Variants in IGFN1 observed in about 807,000 individuals in gnomAD.
The protein encoded by IGFN1 is immunoglobulin like and fibronectin type III domain containing 1, also known as immunoglobulin-like and fibronectin type III domain-containing protein 1.
In IGFN1, 253 loss-of-function variants were observed where a neutral mutation model predicts 289.5. The ratio of observed to expected loss-of-function variants is 0.87; its 90% CI spans 0.79 to 0.97. IGFN1 has a LOEUF of 0.97. Ranked by LOEUF, IGFN1 falls within the 50% of genes least tolerant of loss-of-function variation. The probability of loss-of-function intolerance (pLI) is 0.00; values close to 1 mark genes in which losing one functional copy is unlikely to be tolerated. For synonymous variants in IGFN1, 1,706 were observed against 1,788.5 expected, an observed-to-expected ratio of 0.95 and a Z score of 1.16; for missense variants, 4,470 against 4,686.1, an observed-to-expected ratio of 0.95 and a Z score of 1.35.
chr1:201,214,729 T>G (rs1277009058), intron 13 of IGFN1, among the ~76,000 whole-genome samples: 1 of 152,190 alleles, frequency 6.6e-6, no homozygotes, highest in Non-Finnish European at 1.5e-5. Flanking sequence ...TAAGTCTGGC[T>G]TCAGATCCCA....
chr1:201,199,082 G>T (rs764388960), intron 5 of IGFN1, among the ~76,000 whole-genome samples: 3 of 152,164 alleles, frequency 2.0e-5, no homozygotes, highest in Non-Finnish European at 4.4e-5. Flanking sequence ...ACATGACTGG[G>T]CCTCCCCTGC....
intron 18 of IGFN1, 96 bp from the exon 19 acceptor site, chr1:201,221,348 A>G: frequency 3.0e-6 from 3 of 991,332 alleles, no homozygotes; most frequent in Non-Finnish European, 4.3e-6. Flanking sequence ...AAGTGAAAAC[A>G]ATTCCCAGTC....
At chr1:201,222,410 T>G in intron 19 of IGFN1, 1 of 217,942 alleles carries the variant, frequency 4.6e-6, no homozygotes, top group East Asian at 1.0e-4. Flanking sequence ...CTGTCTTAGA[T>G]TGGTGTTTAT....
intron 12 of IGFN1, 39 bp from the exon 13 acceptor site, chr1:201,214,138 G>C: frequency 6.4e-7 from 1 of 1,562,042 alleles, no homozygotes; most frequent in Non-Finnish European, 8.7e-7. Flanking sequence ...CCATGGCCTG[G>C]GGCGCTCGGC....
At chr1:201,220,937 T>G (rs1653683281) in intron 18 of IGFN1, among the ~76,000 whole-genome samples, 1 of 152,198 alleles carries the variant, frequency 6.6e-6, no homozygotes, top group South Asian at 2.1e-4. Flanking sequence ...TCACACTCAT[T>G]GTGCTTTTTG....
In IGFN1 at chr1:201,211,233, G is replaced by T. The variant is rs777646554; in HGVS notation, c.6340G>T (p.Glu2114Ter). Residue 2114 changes from glutamate (E) to a stop codon, truncating the protein, a stop_gained, in exon 12 of 24, where the codon GAG (glutamate) becomes TAG (stop). Coordinates refer to ENST00000335211, the MANE Select transcript of IGFN1 (RefSeq NM_001164586.2). LOFTEE classifies it high-confidence loss of function. Reference protein sequence around the residue: ...AGYRKDLGAPEGIGSGSKAGF... With the variant: ...AGYRKDLGAP ...TTATAGGAAGGATTTGGGGGCTCCT[G>T]AGGGAATAGGTTCAGGAAGTAAGGC... The T allele has an allele frequency of 6.6e-7, 1 of 1,526,302 alleles. No individual in the cohort carries two copies. Among genetic ancestry groups the T allele is most frequent in the Non-Finnish European group, 8.7e-7 (1 of 1,143,156 alleles). 94.5% of individuals were successfully genotyped at this position (1,526,302 alleles called of 1,614,324 possible).
chr1:201,199,695 A>G (rs745717838), intron 7 of IGFN1, 41 bp downstream of exon 7: 10 of 1,526,066 alleles, frequency 6.6e-6, no homozygotes, highest in Non-Finnish European at 8.0e-6. Context: ...GGAGGCTCCC[A>G]TAGTATTCAC....
At position 201,201,748 on chromosome 1, in the gene IGFN1, C is replaced by T. The variant is rs906496205; in HGVS notation, c.663C>T (p.His221=). 13 of 1,547,444 alleles carry T rather than the reference C, an allele frequency of 8.4e-6. No individual in the cohort carries two copies. The highest frequency in any genetic ancestry group is 1.1e-5 in the Non-Finnish European group (13 of 1,143,086). The change falls in exon 9 of 24, where the codon CAC becomes CAT. Residue 221 remains histidine (H), a synonymous_variant. Coordinates refer to ENST00000335211, the MANE Select transcript of IGFN1 (RefSeq NM_001164586.2). ...TCAACACCATCTCCAGCTTAAGACA[C>T]ATCAGGGTCACCAAGGATGGGAATG... is the stretch of plus-strand genomic sequence containing the variant. The part of the protein sequence containing the change: ...QYINTISSLR[H]IRVTKDGNAK...
Position 201,200,341 on chromosome 1 carries a change from T to A in IGFN1, c.563T>A (p.Ile188Asn). 1 of 1,551,760 alleles carries A rather than the reference T, an allele frequency of 6.4e-7. No individual in the cohort carries two copies. The highest frequency in any genetic ancestry group is 8.7e-7 in the Non-Finnish European group (1 of 1,147,002). Residue 188 changes from isoleucine (I) to asparagine (N), a missense_variant, in exon 8 of 24, where the codon ATC becomes AAC. Around this residue, in one of 8 missense-constraint regions of IGFN1, gnomAD observed 2,011 missense variants for 1,953.4 expected, o/e 1.03. Transcript: ENST00000335211. ...DYEKICLKYG[I>N]VDYRGMLRRL... ...GAGAAGATCTGCTTGAAGTATGGCA[T>A]CGTCGACTACCGTGGCATGTTGCGC...
At position 201,224,062 on chromosome 1, in the gene IGFN1, G is replaced by A. The variant is rs761037821; in HGVS notation, c.10291-617G>A. On this transcript the variant is annotated intron_variant, in intron 20 of 23. Coordinates refer to ENST00000335211, the MANE Select transcript of IGFN1 (RefSeq NM_001164586.2). ...CTGTGAGGTCAGTTAGTGACTATCA[G>A]CATCTTCGTTTGACTCTGGTGCCCA... is the stretch of plus-strand genomic sequence containing the variant. Among the ~76,000 whole-genome samples the A allele has an allele frequency of 8.0e-4, 121 of 152,162 alleles. 1 individual carries two copies. Among genetic ancestry groups the A allele is most frequent in the Non-Finnish European group, 1.5e-3 (100 of 68,024 alleles).
At position 201,212,330 on chromosome 1, in the gene IGFN1, G is replaced by A. The variant is rs747826665; in HGVS notation, c.7437G>A (p.Ser2479=). Residue 2479 remains serine, a synonymous_variant, in exon 12 of 24, where the codon TCG becomes TCA. Coordinates refer to ENST00000335211, the MANE Select transcript of IGFN1 (RefSeq NM_001164586.2). ...GYGTSGIPEA[S]EAAGAKGKPD... ...GAACTTCAGGGATCCCTGAGGCCTCGGAGGCTGCTGGTGCCAAGGGAAAAC... is the reference window on the plus strand; with the variant it reads ...GAACTTCAGGGATCCCTGAGGCCTCAGAGGCTGCTGGTGCCAAGGGAAAAC... 102 of 1,536,706 alleles carry A rather than the reference G, an allele frequency of 6.6e-5. No individual in the cohort carries two copies. Among genetic ancestry groups the A allele is most frequent in the African/African-American group, 6.2e-4 (45 of 73,128 alleles).
rs769989595 is a variant in IGFN1, at chr1:201,215,811, C to A, written c.9268C>A (p.Gln3090Lys). 15 of 1,596,220 alleles carry A rather than the reference C, an allele frequency of 9.4e-6. No individual in the cohort carries two copies. The highest frequency in any genetic ancestry group is 1.7e-5 in the Admixed American group (1 of 59,104). Residue 3090 changes from glutamine to lysine, a missense_variant, in exon 15 of 24, where the codon CAG becomes AAG. Transcript: ENST00000335211. The part of the protein sequence containing the change: ...VTLRSEGGSV[Q>K]AELTLQVIDK... The stretch of plus-strand genomic sequence containing the variant: ...ACTGAGGAGTGAGGGAGGCTCTGTG[C>A]AGGCCGAGCTCACTCTGCAAGTCAT...
chr1:201,221,673 G>A lies in IGFN1; in HGVS notation c.10128G>A (p.Val3376=). 1 of 1,614,066 alleles carries A rather than the reference G, an allele frequency of 6.2e-7. No individual in the cohort carries two copies. Among genetic ancestry groups the A allele is most frequent in the South Asian group, 1.1e-5 (1 of 91,060 alleles). The part of the protein sequence containing the change: ...LRPGEGYFVR[V]TAVNEGGQSQ... Reference sequence around the variant, plus strand: ...CTGGAGAGGGCTACTTCGTGCGGGTGACAGCAGTTAATGAAGGAGGCCAGA... The same window carrying A: ...CTGGAGAGGGCTACTTCGTGCGGGTAACAGCAGTTAATGAAGGAGGCCAGA... Residue 3376 remains valine (V), a synonymous_variant, in exon 19 of 24, where the codon GTG becomes GTA. Coordinates refer to ENST00000335211, the MANE Select transcript of IGFN1 (RefSeq NM_001164586.2).
At chr1:201,205,043 A>G in intron 10 of IGFN1, 39 bp from the exon 11 acceptor site, 1 of 1,508,210 alleles carries the variant, frequency 6.6e-7, no homozygotes, top group Non-Finnish European at 8.9e-7. Context: ...ACTGTGTCAT[A>G]CCATCAAGCT....
chr1:201,223,340 T>G (rs1439688876), intron 20 of IGFN1, among the ~76,000 whole-genome samples: 2 of 142,276 alleles, frequency 1.4e-5, no homozygotes, highest in Admixed American at 7.0e-5. Flanking sequence ...CGTTTGACTT[T>G]GGACAAATAT....
In IGFN1 at chr1:201,208,267, G is replaced by A; in HGVS notation, c.3374G>A (p.Gly1125Glu). Residue 1125 changes from glycine to glutamate, a missense_variant, in exon 12 of 24, where the codon GGG (glycine) becomes GAG (glutamate). Gly to Glu is a moderately conservative substitution (Grantham distance 98). Around this residue, in one of 8 missense-constraint regions of IGFN1, gnomAD observed 2,011 missense variants for 1,953.4 expected, o/e 1.03. Coordinates refer to ENST00000335211, the MANE Select transcript of IGFN1 (RefSeq NM_001164586.2). ...CCTTGGGGTCAGACTGGAAATTATG[G>A]GGGCTTCAGAGCCTCAGAGGCCCTG... ...IRPWGQTGNY[G>E]GFRASEALGA... The A allele has an allele frequency of 6.5e-7, 1 of 1,535,950 alleles. No homozygotes were observed. The highest frequency in any genetic ancestry group is 8.7e-7 in the Non-Finnish European group (1 of 1,146,690).
intron 9 of IGFN1, among the ~76,000 whole-genome samples, 197 bp downstream of exon 9, chr1:201,202,029 A>T (rs1667188450): frequency 6.6e-6 from 1 of 152,188 alleles, no homozygotes; most frequent in Admixed American, 6.5e-5. Context: ...GGGACTTCTT[A>T]TCTCACACTG....
At chr1:201,204,486 G>A (rs1667309535) in intron 10 of IGFN1, among the ~76,000 whole-genome samples, 1 of 152,138 alleles carries the variant, frequency 6.6e-6, no homozygotes, top group African/African-American at 2.4e-5. Context: ...GGGAGCTTTG[G>A]ACAGACATGT....
rs994633731 is a variant in IGFN1, at chr1:201,200,375, G to A, written c.597G>A (p.Gln199=). ...VDYRGMLRRL[Q]EMKKEQEDKM... is the part of the protein sequence containing the mutation. ...ACCGTGGCATGTTGCGCAGGCTGCAGGAGATGAAGAAGGAACAGGAGGACA... is the reference window on the plus strand; with the variant it reads ...ACCGTGGCATGTTGCGCAGGCTGCAAGAGATGAAGAAGGAACAGGAGGACA... Residue 199 remains glutamine, a synonymous_variant, in exon 8 of 24, where the codon CAG becomes CAA. Coordinates refer to ENST00000335211, the MANE Select transcript of IGFN1 (RefSeq NM_001164586.2). 3 of 1,551,644 alleles carry A rather than the reference G, an allele frequency of 1.9e-6. No individual in the cohort carries two copies. Among genetic ancestry groups the A allele is most frequent in the Non-Finnish European group, 2.6e-6 (3 of 1,147,024 alleles).
Sources: allele counts gnomAD v4.1 joint callset (sites outside exome capture counted in the v4.1 genomes callset), GRCh38; gene constraint gnomAD v4.1.1; regional missense constraint gnomAD v4.1.1; transcripts MANE v1.5; gene names NCBI Gene and HGNC (gene_info 2026-07-23, HGNC 2026-07-21).